The following ADK variants were observed in gnomAD, a reference collection of about 807,000 sequenced individuals.
ADK encodes the protein adenosine kinase, also known as N6,N6-dimethyladenosine kinase.
A neutral mutation model predicts 44.7 loss-of-function variants in ADK; 24 were observed. The ratio of observed to expected loss-of-function variants is 0.54; its 90% CI spans 0.39 to 0.76. The LOEUF is 0.76. ADK is among the 30% of genes least tolerant of loss of function. The pLI is 0.00. For missense variants in ADK, 321 were observed against 425.1 expected (o/e 0.76, Z 2.15); for synonymous variants, 128 against 142.6 (o/e 0.90, Z 0.73).
intron 3 of ADK, among the ~76,000 whole-genome samples, chr10:74,278,240 G>A (rs1305478789): frequency 1.3e-5 from 2 of 151,632 alleles, no homozygotes; most frequent in African/African-American, 4.9e-5. Context: ...TGTAAACCCA[G>A]CTACTCGGGA....
At chr10:74,399,406 T>C (rs1843633763) in intron 6 of ADK, among the ~76,000 whole-genome samples, 1 of 151,738 alleles carries the variant, frequency 6.6e-6, no homozygotes. Flanking sequence ...TAATTATTTC[T>C]TTCAGTCTAA....
intron 6 of ADK, among the ~76,000 whole-genome samples, chr10:74,499,197 G>C (rs1009064596): frequency 6.6e-6 from 1 of 152,034 alleles, no homozygotes; most frequent in Non-Finnish European, 1.5e-5. Context: ...GACTACAGGC[G>C]TGTGCCATCA....
chr10:74,296,045 C>A (rs959077267), intron 3 of ADK, among the ~76,000 whole-genome samples: 2 of 142,730 alleles, frequency 1.4e-5, no homozygotes, highest in Non-Finnish European at 3.0e-5. Context: ...TGTATGTTTT[C>A]TATTTCCACG....
intron 6 of ADK, among the ~76,000 whole-genome samples, chr10:74,428,402 G>T (rs1204097767): frequency 6.6e-6 from 1 of 152,160 alleles, no homozygotes; most frequent in African/African-American, 2.4e-5. Context: ...TAAGTTGTTT[G>T]TTAAGTATAC....
At chr10:74,487,452 A>G (rs1032033559) in intron 6 of ADK, among the ~76,000 whole-genome samples, 24 of 151,846 alleles carry the variant, frequency 1.6e-4, no homozygotes, top group African/African-American at 5.8e-4. Flanking sequence ...TTTATGAAAT[A>G]TTTCATTTTG....
chr10:74,388,974 G>C (rs965207708), intron 4 of ADK, among the ~76,000 whole-genome samples: 1 of 152,158 alleles, frequency 6.6e-6, no homozygotes, highest in African/African-American at 2.4e-5. Context: ...TGTGGAACTT[G>C]CCTCCTGGCA....
At position 74,701,875 on chromosome 10, in the gene ADK, T is replaced by A. The variant is rs557567603; in HGVS notation, c.965-6446T>A. Among the ~76,000 whole-genome samples, 313 of 152,058 alleles carry A rather than the reference T, an allele frequency of 2.1e-3. 1 individual carries two copies. The highest frequency in any genetic ancestry group is 7.1e-3 in the African/African-American group (293 of 41,506). ...AGGAGAGTCACTTGAACTGGGGAGG[T>A]GGAGGTTGCAGTGAGCTGAGATCGT... is the stretch of plus-strand genomic sequence containing the variant. On this transcript the variant is annotated intron_variant, in intron 10 of 10. Transcript: ENST00000539909.
At chr10:74,699,314 GTTA>G (rs1428079809) in intron 10 of ADK, among the ~76,000 whole-genome samples, 1 of 151,352 alleles carries the variant, frequency 6.6e-6, no homozygotes, top group Non-Finnish European at 1.5e-5. Flanking sequence ...ATAGCATATT[GTTA>G]TTGTTGGTTT....
At chr10:74,613,346 C>T (rs1443833306) in intron 9 of ADK, among the ~76,000 whole-genome samples, 4 of 152,018 alleles carry the variant, frequency 2.6e-5, no homozygotes, top group African/African-American at 4.8e-5. Flanking sequence ...CTGCAAGTTC[C>T]GTAATCTGCT....
intron 7 of ADK, among the ~76,000 whole-genome samples, chr10:74,536,481 T>TA (rs34777095): frequency 0.59 from 88,856 of 149,616 alleles, 29,024 homozygotes; most frequent in Middle Eastern, 0.76. Flanking sequence ...TTAATTCTGG[T>TA]AAAAAAAAAA....
intron 4 of ADK, among the ~76,000 whole-genome samples, chr10:74,393,835 A>G (rs1447028263): frequency 1.3e-5 from 2 of 152,176 alleles, no homozygotes; most frequent in Admixed American, 6.5e-5. Flanking sequence ...TAGACTTCTT[A>G]TATTGGGACC....
chr10:74,593,219 A>AC (rs1244587813), intron 8 of ADK, among the ~76,000 whole-genome samples: 1 of 152,202 alleles, frequency 6.6e-6, no homozygotes, highest in Non-Finnish European at 1.5e-5. Context: ...AGGTGCCTGA[A>AC]CCCCAAAAGA....
At chr10:74,224,680 A>T in intron 3 of ADK, 89 bp downstream of exon 3, 1 of 1,044,276 alleles carries the variant, frequency 9.6e-7, no homozygotes, top group Non-Finnish European at 1.5e-6. Flanking sequence ...TTTCAAAATT[A>T]TATAATGACA....
At chr10:74,365,615 G>A (rs191910249) in intron 4 of ADK, among the ~76,000 whole-genome samples, 80 of 152,176 alleles carry the variant, frequency 5.3e-4, no homozygotes, top group Non-Finnish European at 2.6e-4. Context: ...AGATCATTTC[G>A]TCTGGGAACA....
chr10:74,552,566 G>A (rs1176302131), intron 7 of ADK, among the ~76,000 whole-genome samples: 2 of 151,414 alleles, frequency 1.3e-5, no homozygotes, highest in Admixed American at 1.3e-4. Context: ...ATTATACACT[G>A]AAAGCATATT....
chr10:74,253,384 A>G (rs1368669674), intron 3 of ADK, among the ~76,000 whole-genome samples: 1 of 152,124 alleles, frequency 6.6e-6, no homozygotes, highest in Non-Finnish European at 1.5e-5. Context: ...AAGTGGTGGT[A>G]ACTCCTGGGT....
intron 1 of ADK, among the ~76,000 whole-genome samples, chr10:74,170,520 C>T (rs1227928508): frequency 6.6e-6 from 1 of 151,896 alleles, no homozygotes; most frequent in East Asian, 1.9e-4. Flanking sequence ...ATAGTAAGGC[C>T]GGGCACGGTG....
chr10:74,283,894 A>G (rs1375140778), intron 3 of ADK, among the ~76,000 whole-genome samples: 1 of 150,646 alleles, frequency 6.6e-6, no homozygotes, highest in Non-Finnish European at 1.5e-5. Context: ...GTTAGCCTGG[A>G]TAGTCTTGAT....
intron 7 of ADK, among the ~76,000 whole-genome samples, chr10:74,587,974 A>T (rs1388610958): frequency 6.6e-6 from 1 of 152,050 alleles, no homozygotes; most frequent in Non-Finnish European, 1.5e-5. Context: ...GCATATTAAA[A>T]TTTTTTAACC....
Sources: allele counts gnomAD v4.1 joint callset (sites outside exome capture counted in the v4.1 genomes callset), GRCh38; gene constraint gnomAD v4.1.1; transcripts MANE v1.5; gene names NCBI Gene and HGNC (gene_info 2026-07-23, HGNC 2026-07-21).